Variants in EGFLAM observed in about 807,000 individuals in gnomAD.
EGFLAM encodes EGF like, fibronectin type III and laminin G domains.
Under a neutral mutation model 113.1 loss-of-function variants are expected in EGFLAM, and 79 were observed. The ratio of observed to expected loss-of-function variants is 0.70; its 90% CI spans 0.58 to 0.84. EGFLAM has a LOEUF of 0.84. Ranked by LOEUF, EGFLAM falls within the 40% of genes least tolerant of loss-of-function variation. The pLI is 0.00. For synonymous variants in EGFLAM, 504 were observed against 487.6 expected (o/e 1.03, Z -0.44); for missense variants, 1,265 against 1,291.6 (o/e 0.98, Z 0.32).
At chr5:38,446,166 T>C (rs138985166) in intron 17 of EGFLAM, among the ~76,000 whole-genome samples, 72 of 152,240 alleles carry the variant, frequency 4.7e-4, no homozygotes, top group African/African-American at 1.7e-3. Flanking sequence ...AGCCATGGTG[T>C]CCTGAAACGA....
chr5:38,430,403 T>C (rs1050677763), intron 14 of EGFLAM, among the ~76,000 whole-genome samples: 16 of 152,202 alleles, frequency 1.1e-4, no homozygotes, highest in African/African-American at 3.9e-4. Context: ...TTGTAAGGAA[T>C]AAATAAAACA....
intron 14 of EGFLAM, chr5:38,430,211 T>A (rs1742146078): frequency 6.3e-6 from 1 of 157,832 alleles, no homozygotes; most frequent in Non-Finnish European, 1.4e-5. Context: ...TCTTATTTTT[T>A]ATGCGTTTCA....
intron 12 of EGFLAM, among the ~76,000 whole-genome samples, chr5:38,422,577 C>T (rs551251198): frequency 2.9e-4 from 44 of 152,232 alleles, no homozygotes; most frequent in Admixed American, 7.2e-4. Context: ...TGAAACCCAG[C>T]TCTATCACAT....
intron 17 of EGFLAM, 57 bp from the exon 18 acceptor site, chr5:38,448,244 G>A: frequency 6.4e-7 from 1 of 1,573,692 alleles, no homozygotes; most frequent in African/African-American, 1.3e-5. Flanking sequence ...ATGTGTGTGA[G>A]TGCAGGGGTC....
chr5:38,436,044 C>G (rs1742339049), intron 16 of EGFLAM, among the ~76,000 whole-genome samples: 2 of 152,038 alleles, frequency 1.3e-5, no homozygotes, highest in Non-Finnish European at 1.5e-5. Flanking sequence ...TCTCGAACTC[C>G]TGACCTTGTG....
chr5:38,411,448 G>A (rs1417187429), intron 10 of EGFLAM, among the ~76,000 whole-genome samples: 1 of 151,544 alleles, frequency 6.6e-6, no homozygotes, highest in Non-Finnish European at 1.5e-5. Context: ...AAAAGAAAAC[G>A]GGAATGCGGA....
chr5:38,446,326 C>G (rs1233935765), intron 17 of EGFLAM, among the ~76,000 whole-genome samples: 1 of 152,096 alleles, frequency 6.6e-6, no homozygotes, highest in Non-Finnish European at 1.5e-5. Context: ...CTTTCCTTTT[C>G]TGTTTCCCGT....
At chr5:38,365,225 G>A (rs1168176224) in intron 5 of EGFLAM, among the ~76,000 whole-genome samples, 17 of 152,206 alleles carry the variant, frequency 1.1e-4, no homozygotes, top group Admixed American at 9.2e-4. Context: ...ACTGAGAGGT[G>A]AAATAGAATA....
intron 4 of EGFLAM, among the ~76,000 whole-genome samples, chr5:38,351,386 C>T (rs919930597): frequency 6.6e-6 from 1 of 151,974 alleles, no homozygotes; most frequent in African/African-American, 2.4e-5. Flanking sequence ...GGATTACAGG[C>T]GTAAGCCACC....
chr5:38,371,865 C>T (rs980014337), intron 6 of EGFLAM, among the ~76,000 whole-genome samples: 13 of 152,030 alleles, frequency 8.6e-5, no homozygotes, highest in Non-Finnish European at 1.9e-4. Flanking sequence ...AGCTAGGGGC[C>T]GACAGTACTT....
At chr5:38,328,319 C>T (rs1376411254) in intron 1 of EGFLAM, among the ~76,000 whole-genome samples, 1 of 152,180 alleles carries the variant, frequency 6.6e-6, no homozygotes, top group African/African-American at 2.4e-5. Flanking sequence ...TCCCCATGAT[C>T]CAGTCACCTT....
At chr5:38,426,303 G>A (rs563804020) in intron 13 of EGFLAM, among the ~76,000 whole-genome samples, 94 of 152,114 alleles carry the variant, frequency 6.2e-4, no homozygotes, top group Non-Finnish European at 1.1e-3. Context: ...ACATATGTGC[G>A]CTCACACAGG....
In EGFLAM at chr5:38,259,103, G is replaced by T. The variant is rs184656327; in HGVS notation, c.97+252G>T. 7.9e-5 allele frequency among the ~76,000 whole-genome samples: 12 copies of T among 152,350 alleles called. No homozygotes were observed. In the East Asian group the frequency reaches 1.4e-3, roughly 17 times the overall value. The stretch of plus-strand genomic sequence containing the variant: ...ATAGTAGATAGAGGTGGTGGTCCCC[G>T]TGTTTGACCGCAGAGAGCTGACAGT... On this transcript the variant is annotated intron_variant, in intron 1 of 21. Transcript: ENST00000322350.
At chr5:38,433,831 T>G (rs1742262915) in intron 15 of EGFLAM, among the ~76,000 whole-genome samples, 1 of 152,228 alleles carries the variant, frequency 6.6e-6, no homozygotes, top group East Asian at 1.9e-4. Context: ...TATACTTCTT[T>G]GTTAACCTCC....
intron 1 of EGFLAM, among the ~76,000 whole-genome samples, chr5:38,277,875 GA>G (rs1757924090): frequency 6.6e-6 from 1 of 152,006 alleles, no homozygotes; most frequent in Non-Finnish European, 1.5e-5. Flanking sequence ...AAATATTTAC[GA>G]AAGAAATTGA....
chr5:38,322,003 C>G (rs556759902), intron 1 of EGFLAM, among the ~76,000 whole-genome samples: 1 of 152,316 alleles, frequency 6.6e-6, no homozygotes, highest in East Asian at 1.9e-4. Flanking sequence ...TCCAATTTCT[C>G]AGACTCCTTG....
At chr5:38,350,686 T>C (rs879862792) in intron 4 of EGFLAM, 68 bp downstream of exon 4, 11 of 1,431,080 alleles carry the variant, frequency 7.7e-6, no homozygotes, top group Non-Finnish European at 1.1e-5. Context: ...TCAGCAAATA[T>C]CAATAGGGAC....
intron 1 of EGFLAM, among the ~76,000 whole-genome samples, chr5:38,297,707 G>A (rs913016582): frequency 6.6e-6 from 1 of 152,182 alleles, no homozygotes. Context: ...CAAAAAGCTA[G>A]CAAGAGTCAT....
chr5:38,407,263 C>A, intron 8 of EGFLAM, 117 bp downstream of exon 8: 2 of 1,107,448 alleles, frequency 1.8e-6, no homozygotes, highest in Non-Finnish European at 2.5e-6. Context: ...TAAGTACCTT[C>A]GTCCACATAT....
Sources: gnomAD v4.1 joint callset for allele counts (sites outside exome capture counted in the v4.1 genomes callset) on GRCh38, gnomAD v4.1.1 for gene constraint, MANE v1.5 for transcripts, NCBI Gene and HGNC (gene_info 2026-07-23, HGNC 2026-07-21) for gene names.